The following FLVCR2 variants were observed in gnomAD, a reference collection of about 807,000 sequenced individuals.
FLVCR2 encodes the protein FLVCR choline and putative heme transporter 2.
Under a neutral mutation model 48.9 loss-of-function variants are expected in FLVCR2, and 38 were observed. The ratio of observed to expected loss-of-function variants is 0.78; its 90% CI spans 0.60 to 1.02. FLVCR2 has a LOEUF of 1.02. Ranked by LOEUF, FLVCR2 falls within the 50% of genes least tolerant of loss-of-function variation. The probability of loss-of-function intolerance (pLI) is 0.00; values close to 1 mark genes in which losing one functional copy is unlikely to be tolerated. For missense variants in FLVCR2, 664 were observed against 663.3 expected, an observed-to-expected ratio of 1.00 and a Z score of -0.01; for synonymous variants, 255 against 257.0, an observed-to-expected ratio of 0.99 and a Z score of 0.07.
rs766064373 is a variant in FLVCR2, at chr14:75,622,144, G to A, written c.735G>A (p.Glu245=). ...VLVPNIEDRD[E]LAYHISIMFY... ...TACCCAACATTGAAGACCGGGACGA[G>A]CTTGCCTACCACATCAGCATCATGT... is the stretch of plus-strand genomic sequence containing the variant. The change falls in exon 2 of 10, where the codon GAG becomes GAA. Residue 245 remains glutamate (E), a synonymous_variant. Transcript: ENST00000238667. 34 of 1,613,972 alleles carry A rather than the reference G, an allele frequency of 2.1e-5. No individual in the cohort carries two copies. Among genetic ancestry groups the A allele is most frequent in the Middle Eastern group, 3.3e-4 (2 of 6,084 alleles).
intron 5 of FLVCR2, among the ~76,000 whole-genome samples, chr14:75,637,802 G>T (rs557826616): frequency 8.5e-5 from 13 of 152,122 alleles, no homozygotes; most frequent in South Asian, 2.1e-4. Context: ...TTCATGGTAG[G>T]GGGGCAGAGG....
At chr14:75,583,249 C>A (rs1325339112) in intron 1 of FLVCR2, among the ~76,000 whole-genome samples, 2 of 152,100 alleles carry the variant, frequency 1.3e-5, no homozygotes, top group Non-Finnish European at 2.9e-5. Flanking sequence ...ATAGACAAGA[C>A]AATTTGGTTG....
At chr14:75,624,800 A>G in intron 3 of FLVCR2, 48 bp downstream of exon 3, 1 of 1,602,270 alleles carries the variant, frequency 6.2e-7, no homozygotes, top group Non-Finnish European at 8.5e-7. Context: ...GAAATGTTAG[A>G]TGAGAGGCCT....
At chr14:75,642,815 C>T (rs1048365878) in intron 9 of FLVCR2, among the ~76,000 whole-genome samples, 2 of 152,058 alleles carry the variant, frequency 1.3e-5, no homozygotes, top group African/African-American at 2.4e-5. Context: ...AATAAAACTG[C>T]TTTTTTCACT....
At chr14:75,645,908 A>T (rs1890410457) in intron 9 of FLVCR2, among the ~76,000 whole-genome samples, 1 of 112,526 alleles carries the variant, frequency 8.9e-6, no homozygotes, top group African/African-American at 3.6e-5. Context: ...GCAAAGTGAG[A>T]CTCCATCTCA....
intron 1 of FLVCR2, chr14:75,605,619 C>T: frequency 6.5e-7 from 1 of 1,536,036 alleles, no homozygotes; most frequent in Non-Finnish European, 8.7e-7. Context: ...AAGCGTGAGA[C>T]AGGAGGTGAG....
At position 75,647,040 on chromosome 14, in the gene FLVCR2, C is replaced by G. The variant is rs1214862010; in HGVS notation, c.*568C>G. The G allele has an allele frequency of 5.9e-6, 1 of 170,526 alleles. No individual in the cohort carries two copies. The highest frequency in any genetic ancestry group is 1.3e-5 in the Non-Finnish European group (1 of 77,598). 10.6% of individuals were successfully genotyped at this position (170,526 alleles called of 1,614,324 possible). On this transcript the variant is annotated 3_prime_UTR_variant, in exon 10 of 10. Coordinates refer to ENST00000238667, the MANE Select transcript of FLVCR2 (RefSeq NM_017791.3). The stretch of plus-strand genomic sequence containing the variant: ...GACTTGTGGGCCTAAATTTTCCTGG[C>G]CTAACGGGTCTGTCTCCAAACCCTC...
chr14:75,605,319 C>A, intron 1 of FLVCR2: 1 of 591,932 alleles, frequency 1.7e-6, no homozygotes, highest in Non-Finnish European at 2.7e-6. Context: ...GACCTCCTGA[C>A]TTCTTTCTAC....
At chr14:75,601,354 C>G (rs1204011912) in intron 1 of FLVCR2, among the ~76,000 whole-genome samples, 2 of 152,250 alleles carry the variant, frequency 1.3e-5, no homozygotes, top group Admixed American at 1.3e-4. Context: ...GGACATATCA[C>G]AGTGCTGCAG....
intron 1 of FLVCR2, among the ~76,000 whole-genome samples, chr14:75,618,793 G>T (rs1463730902): frequency 6.6e-6 from 1 of 152,082 alleles, no homozygotes; most frequent in Admixed American, 6.6e-5. Context: ...AGCAAAGTGA[G>T]CCTGGGTTCT....
intron 4 of FLVCR2, 79 bp downstream of exon 4, chr14:75,633,775 G>A (rs184888851): frequency 3.3e-4 from 362 of 1,104,832 alleles, no homozygotes; most frequent in East Asian, 1.6e-3. Context: ...TGGGATGACC[G>A]TTAAGTCTTC....
At position 75,624,783 on chromosome 14, in the gene FLVCR2, C is replaced by T. The variant is rs36003392; in HGVS notation, c.952+31C>T. On this transcript the variant is annotated intron_variant, in intron 3 of 9. Transcript: ENST00000238667. ...GTGTCAATGTGTCTAGGAATGCATT[C>T]GAGCTGGAAATGTTAGATGAGAGGC... The T allele has an allele frequency of 3.1e-5, 50 of 1,612,938 alleles. 1 individual carries two copies. Among genetic ancestry groups the T allele is most frequent in the South Asian group, 6.6e-5 (6 of 91,054 alleles).
At chr14:75,632,736 T>C in intron 3 of FLVCR2, 1 of 702,340 alleles carries the variant, frequency 1.4e-6, no homozygotes. Flanking sequence ...GCCTCAATGT[T>C]TAGTTAAAGT....
At chr14:75,622,858 A>G (rs907619208) in intron 2 of FLVCR2, among the ~76,000 whole-genome samples, 4 of 152,224 alleles carry the variant, frequency 2.6e-5, no homozygotes, top group Non-Finnish European at 5.9e-5. Context: ...TATGCTTATT[A>G]TAGAAAAATC....
Position 75,624,747 on chromosome 14 carries a change from C to G in FLVCR2, c.947C>G (p.Thr316Ser), listed in dbSNP as rs779117746. 9 of 1,614,126 alleles carry G rather than the reference C, an allele frequency of 5.6e-6. No individual in the cohort carries two copies. In the South Asian group the frequency reaches 9.9e-5, roughly 18 times the overall value. ...KNLNFVLLVI[T>S]YGLNAGAFYA... is the part of the protein sequence containing the mutation. ...CTCAACTTTGTGCTGCTTGTCATCA[C>G]CTATGGTAAGGTGTCAATGTGTCTA... Residue 316 changes from threonine to serine, a missense_variant, in exon 3 of 10, where the codon ACC (threonine) becomes AGC (serine). By Grantham distance (58) the Thr-to-Ser change is moderately conservative. Coordinates refer to ENST00000238667, the MANE Select transcript of FLVCR2 (RefSeq NM_017791.3).
intron 3 of FLVCR2, among the ~76,000 whole-genome samples, chr14:75,626,658 G>A (rs937570483): frequency 2.6e-5 from 4 of 151,852 alleles, no homozygotes; most frequent in African/African-American, 7.3e-5. Flanking sequence ...CCCCATCACC[G>A]GAAGGTATTC....
chr14:75,624,825 T>G, intron 3 of FLVCR2, 73 bp downstream of exon 3: 1 of 1,555,064 alleles, frequency 6.4e-7, no homozygotes, highest in Non-Finnish European at 8.8e-7. Flanking sequence ...TGTCTTCATA[T>G]ATTACTCTTT....
At position 75,633,553 on chromosome 14, in the gene FLVCR2, A is replaced by G. The variant is rs1374659876; in HGVS notation, c.953-76A>G. 5 of 1,171,518 alleles carry G rather than the reference A, an allele frequency of 4.3e-6. No homozygotes were observed. In the Admixed American group the frequency reaches 8.4e-5, roughly 20 times the overall value. 72.6% of individuals were successfully genotyped at this position (1,171,518 alleles called of 1,614,324 possible). ...GATGAGGATTTCTGCCCACCCCCCA[A>G]ATGCTGGGGGAGAAGTTAGCAATGG... is the stretch of plus-strand genomic sequence containing the variant. On this transcript the variant is annotated intron_variant, in intron 3 of 9. Coordinates refer to ENST00000238667, the MANE Select transcript of FLVCR2 (RefSeq NM_017791.3).
chr14:75,637,105 T>G (rs1435979359), intron 5 of FLVCR2, among the ~76,000 whole-genome samples: 3 of 152,188 alleles, frequency 2.0e-5, no homozygotes, highest in Non-Finnish European at 1.5e-5. Context: ...ACATAGTGCA[T>G]CGTTATTCCC....
Sources: gnomAD v4.1 joint callset for allele counts (sites outside exome capture counted in the v4.1 genomes callset) on GRCh38, gnomAD v4.1.1 for gene constraint, MANE v1.5 for transcripts, NCBI Gene and HGNC (gene_info 2026-07-23, HGNC 2026-07-21) for gene names.